SDAD1: variants seen among roughly 807,000 people sequenced by gnomAD.
SDAD1 encodes the protein SDA1 domain containing 1.
In SDAD1, 79 loss-of-function variants were observed where a neutral mutation model predicts 100.3. The ratio of observed to expected loss-of-function variants is 0.79; its 90% CI spans 0.66 to 0.95. The LOEUF (loss-of-function observed/expected upper bound fraction) is 0.95, where lower values mean the gene tolerates loss of function less well. SDAD1 is among the 40% of genes least tolerant of loss of function. The probability of loss-of-function intolerance (pLI) is 0.00; values close to 1 mark genes in which losing one functional copy is unlikely to be tolerated. For synonymous variants in SDAD1, 267 were observed against 271.4 expected, an observed-to-expected ratio of 0.98 and a Z score of 0.16; for missense variants, 790 against 810.9, an observed-to-expected ratio of 0.97 and a Z score of 0.31.
At chr4:75,963,635 G>A (rs1321827827) in intron 14 of SDAD1, among the ~76,000 whole-genome samples, 1 of 152,044 alleles carries the variant, frequency 6.6e-6, no homozygotes, top group Non-Finnish European at 1.5e-5. Context: ...GTTATCTTGG[G>A]AGAAGGTCCC....
At chr4:75,974,288 T>A (rs181151021) in intron 6 of SDAD1, among the ~76,000 whole-genome samples, 155 bp from the exon 7 acceptor site, 1 of 152,142 alleles carries the variant, frequency 6.6e-6, no homozygotes, top group East Asian at 1.9e-4. Flanking sequence ...GCTAAATTAC[T>A]TAACCACAGG....
chr4:75,983,525 G>C (rs985997188), intron 1 of SDAD1, among the ~76,000 whole-genome samples: 1 of 152,134 alleles, frequency 6.6e-6, no homozygotes, highest in African/African-American at 2.4e-5. Flanking sequence ...GTTTTGATTT[G>C]CATTTCTCTA....
rs184723523 is a variant in SDAD1 at position 75,978,493 on chromosome 4, G to C, written c.295-737C>G. ...GCTGGGATTACAGGCATGAGCTGATGCGCCTAGCAGCTGTGGCACTCTTGC... is the reference window on the plus strand; with the variant it reads ...GCTGGGATTACAGGCATGAGCTGATCCGCCTAGCAGCTGTGGCACTCTTGC... On this transcript the variant is annotated intron_variant, in intron 3 of 21. Coordinates refer to ENST00000356260, the MANE Select transcript of SDAD1 (RefSeq NM_018115.4). Among the ~76,000 whole-genome samples the C allele has an allele frequency of 3.0e-3, 458 of 151,852 alleles. 2 individuals are homozygous for C. Among genetic ancestry groups the C allele is most frequent in the African/African-American group, 0.011 (443 of 41,416 alleles).
intron 14 of SDAD1, among the ~76,000 whole-genome samples, chr4:75,962,023 T>C (rs895236114): frequency 2.0e-5 from 3 of 152,224 alleles, no homozygotes; most frequent in East Asian, 1.9e-4. Context: ...ACATTGGGTA[T>C]ATCTCCTAAT....
chr4:75,961,342 G>A (rs776149205), intron 14 of SDAD1, 34 bp from the exon 15 acceptor site: 12 of 1,483,536 alleles, frequency 8.1e-6, no homozygotes, highest in Middle Eastern at 1.7e-4. Context: ...AAAAGAGCCC[G>A]AATAGCAATT....
At chr4:75,952,558 C>T (rs1728672710) in intron 21 of SDAD1, among the ~76,000 whole-genome samples, 1 of 152,296 alleles carries the variant, frequency 6.6e-6, no homozygotes, top group South Asian at 2.1e-4. Context: ...ACAGTAAGAC[C>T]TCATGTACAC....
chr4:75,979,242 C>T (rs1032117830), intron 3 of SDAD1, among the ~76,000 whole-genome samples: 5 of 151,854 alleles, frequency 3.3e-5, no homozygotes, highest in Non-Finnish European at 7.4e-5. Context: ...ATGTTTCTAT[C>T]TGTGTAAGCA....
chr4:75,986,092 C>T (rs1006184225), intron 1 of SDAD1, among the ~76,000 whole-genome samples: 1 of 152,110 alleles, frequency 6.6e-6, no homozygotes, highest in Non-Finnish European at 1.5e-5. Context: ...TGGAGAAAAT[C>T]GGCTAATTGG....
At chr4:75,981,658 A>C (rs1730523423) in intron 2 of SDAD1, 188 bp from the exon 3 acceptor site, 7 of 1,014,076 alleles carry the variant, frequency 6.9e-6, no homozygotes, top group Non-Finnish European at 1.0e-5. Flanking sequence ...CTCTAGTCTT[A>C]GTAATATTTA....
At chr4:75,961,754 G>T (rs527642807) in intron 14 of SDAD1, among the ~76,000 whole-genome samples, 1 of 152,138 alleles carries the variant, frequency 6.6e-6, no homozygotes, top group East Asian at 1.9e-4. Context: ...CAACCAAAAG[G>T]GCTACTAAAT....
chr4:75,969,618 T>G (rs576477850), intron 10 of SDAD1, among the ~76,000 whole-genome samples: 1 of 152,286 alleles, frequency 6.6e-6, no homozygotes, highest in Non-Finnish European at 1.5e-5. Context: ...CTCGCTTCAC[T>G]TAATAGCTCT....
intron 6 of SDAD1, 77 bp from the exon 7 acceptor site, chr4:75,974,210 A>G: frequency 8.7e-7 from 1 of 1,149,432 alleles, no homozygotes; most frequent in Admixed American, 1.7e-5. Context: ...GGCACAAAAT[A>G]AATGATATAA....
chr4:75,974,600 T>C (rs1730052681), intron 6 of SDAD1, among the ~76,000 whole-genome samples: 2 of 151,994 alleles, frequency 1.3e-5, no homozygotes, highest in African/African-American at 2.4e-5. Flanking sequence ...TTCCAGCTAC[T>C]TGGGAGGCTG....
chr4:75,960,281 T>A (rs1210177346), intron 16 of SDAD1, 89 bp from the exon 17 acceptor site: 25 of 1,180,794 alleles, frequency 2.1e-5, no homozygotes, highest in Non-Finnish European at 2.3e-6. Flanking sequence ...GAATTTATTT[T>A]ATTTATTTAT....
chr4:75,967,401 G>T, intron 11 of SDAD1, 67 bp from the exon 12 acceptor site: 1 of 1,397,694 alleles, frequency 7.2e-7, no homozygotes, highest in African/African-American at 1.4e-5. Flanking sequence ...TCTTCTCAAT[G>T]CAAACATATC....
rs1339565906 is a variant in SDAD1 at position 75,950,503 on chromosome 4, AATAC to A, written c.*243_*246del. 1.6e-5 allele frequency: 7 copies of A among 432,112 alleles called. No individual in the cohort carries two copies. The highest frequency in any genetic ancestry group is 1.4e-4 in the African/African-American group (7 of 51,336). The allele number at this position is 432,112 out of a possible 1,614,324, so 26.8% of individuals were successfully genotyped here. On this transcript the variant is annotated 3_prime_UTR_variant, in exon 22 of 22. Coordinates refer to ENST00000356260, the MANE Select transcript of SDAD1 (RefSeq NM_018115.4). ...CTACAGTGACAATGAATAGGCACTC[AATAC>A]ATACTTTTTTTTGCATGAATGATAA...
At chr4:75,990,279 C>A (rs1041167403) in intron 1 of SDAD1, among the ~76,000 whole-genome samples, 3 of 149,450 alleles carry the variant, frequency 2.0e-5, no homozygotes, top group East Asian at 2.0e-4. Flanking sequence ...GAGAAACCCC[C>A]CCCCCCCCTT....
Position 75,990,908 on chromosome 4 carries a change from C to G in SDAD1, c.-67G>C. 6 of 1,592,112 alleles carry G rather than the reference C, an allele frequency of 3.8e-6. No individual in the cohort carries two copies. The highest frequency in any genetic ancestry group is 2.2e-5 in the East Asian group (1 of 44,748). The stretch of plus-strand genomic sequence containing the variant: ...ACTCAGACGGCCGGCACCCCGCAAT[C>G]CCTGCCAGCTGCAGCTTGGACTCGT... On this transcript the variant is annotated 5_prime_UTR_variant, in exon 1 of 22. Transcript: ENST00000356260.
intron 10 of SDAD1, among the ~76,000 whole-genome samples, chr4:75,969,939 C>T (rs1325719976): frequency 6.6e-6 from 1 of 151,384 alleles, no homozygotes. Context: ...AGTTTGAGAA[C>T]TAGTGTTCTC....
Sources: allele counts gnomAD v4.1 joint callset (sites outside exome capture counted in the v4.1 genomes callset), GRCh38; gene constraint gnomAD v4.1.1; transcripts MANE v1.5; gene names NCBI Gene and HGNC (gene_info 2026-07-23, HGNC 2026-07-21).